KAZN: variants seen among roughly 807,000 people sequenced by gnomAD.
The protein encoded by KAZN is kazrin.
A neutral mutation model predicts 87.4 loss-of-function variants in KAZN; 40 were observed. The observed-to-expected ratio is 0.46, with a 90% CI of 0.36 to 0.60. The LOEUF (loss-of-function observed/expected upper bound fraction) is 0.60. Among genes scored for constraint, KAZN ranks in the 20% least tolerant of loss-of-function variants. The pLI, the probability that KAZN is intolerant of heterozygous loss-of-function variation, is 0.00. For missense variants in KAZN, 898 were observed against 1,073.9 expected, an observed-to-expected ratio of 0.84 and a Z score of 2.29; for synonymous variants, 466 against 458.3, an observed-to-expected ratio of 1.02 and a Z score of -0.22.
intron 1 of KAZN, among the ~76,000 whole-genome samples, chr1:14,956,299 G>GAAAAAAAAAAA (rs35057453): frequency 2.0e-5 from 2 of 99,590 alleles, no homozygotes; most frequent in African/African-American, 4.5e-5. Flanking sequence ...AGAAGTCACT[G>GAAAAAAAAAAA]AAAAAAAAAA....
At chr1:14,728,289 TAAAA>T (rs55745144) in intron 1 of KAZN, among the ~76,000 whole-genome samples, 39 of 29,832 alleles carry the variant, frequency 1.3e-3, no homozygotes, top group African/African-American at 4.6e-3. Context: ...ACCGTATATA[TAAAA>T]AAAAAAAAAA....
chr1:14,325,717 G>T (rs977609648), intron 2 of KAZN, among the ~76,000 whole-genome samples: 1 of 152,172 alleles, frequency 6.6e-6, no homozygotes, highest in Non-Finnish European at 1.5e-5. Flanking sequence ...CAAACTTGAC[G>T]TGGGTCTCCC....
chr1:14,546,805 T>C (rs1673174962), intron 2 of KAZN, among the ~76,000 whole-genome samples: 2 of 152,168 alleles, frequency 1.3e-5, no homozygotes, highest in African/African-American at 4.8e-5. Flanking sequence ...CAAATCAACT[T>C]TGGGGAATTT....
chr1:14,700,072 G>C (rs1181354368), intron 1 of KAZN, among the ~76,000 whole-genome samples: 2 of 152,132 alleles, frequency 1.3e-5, no homozygotes, highest in South Asian at 2.1e-4. Context: ...GGCAGAAAGG[G>C]TTATGCTGAA....
chr1:13,926,494 C>A lies in KAZN; in HGVS notation c.91+32738C>A, dbSNP rs993763830. On this transcript the variant is annotated intron_variant, in intron 1 of 16. Coordinates refer to the KAZN transcript ENST00000636203. Reference sequence around the variant, plus strand: ...ATGGCTTCCTCCCACATTTCCCCTGCCTTTTCCCTATTTTCAAGTCCCCTT... The same window carrying A: ...ATGGCTTCCTCCCACATTTCCCCTGACTTTTCCCTATTTTCAAGTCCCCTT... Among the ~76,000 whole-genome samples the A allele has an allele frequency of 6.6e-5, 10 of 152,270 alleles. No individual in the cohort carries two copies. The East Asian group carries it at 1.9e-3, about 29-fold the overall frequency.
At chr1:14,875,255 C>A (rs1350793685) in intron 1 of KAZN, among the ~76,000 whole-genome samples, 1 of 147,180 alleles carries the variant, frequency 6.8e-6, no homozygotes, top group Admixed American at 7.0e-5. Context: ...CACTTGAACC[C>A]GGGAGGCAGA....
At chr1:14,894,808 C>G (rs1022425143) in intron 1 of KAZN, among the ~76,000 whole-genome samples, 2 of 152,256 alleles carry the variant, frequency 1.3e-5, no homozygotes, top group African/African-American at 4.8e-5. Context: ...TCTGTGCTAT[C>G]ACACCAAGGA....
At chr1:15,093,633 G>T (rs991726245) in intron 8 of KAZN, among the ~76,000 whole-genome samples, 4 of 152,192 alleles carry the variant, frequency 2.6e-5, no homozygotes, top group African/African-American at 7.2e-5. Context: ...GATAAATGAG[G>T]CAGGGGAACA....
chr1:13,991,188 C>T (rs890708577), intron 1 of KAZN, among the ~76,000 whole-genome samples: 6 of 151,868 alleles, frequency 4.0e-5, no homozygotes, highest in Non-Finnish European at 8.8e-5. Flanking sequence ...TTGCTGGCTT[C>T]CATGGTGTAA....
chr1:14,454,446 G>A lies in KAZN; in HGVS notation c.250-144537G>A, dbSNP rs560688010. Among the ~76,000 whole-genome samples, 52 of 152,276 alleles carry A rather than the reference G, an allele frequency of 3.4e-4. No individual in the cohort carries two copies. The South Asian group carries it at 0.01, about 30-fold the overall frequency. On this transcript the variant is annotated intron_variant, in intron 2 of 16. Coordinates refer to the KAZN transcript ENST00000636203. ...TCAATTAGAGTCCAATAAGCAACTT[G>A]AGGACAAAGATATCATGTCTCACTG... is the stretch of plus-strand genomic sequence containing the variant.
At chr1:14,432,302 A>G (rs1218640417) in intron 2 of KAZN, among the ~76,000 whole-genome samples, 2 of 152,226 alleles carry the variant, frequency 1.3e-5, no homozygotes, top group African/African-American at 4.8e-5. Flanking sequence ...GAAAAATTGT[A>G]ATTTTTTTCA....
chr1:14,671,326 G>C (rs1639902411), intron 1 of KAZN, among the ~76,000 whole-genome samples: 1 of 152,238 alleles, frequency 6.6e-6, no homozygotes, highest in Non-Finnish European at 1.5e-5. Flanking sequence ...GCAGTACCAA[G>C]AACAGTGCCT....
intron 2 of KAZN, among the ~76,000 whole-genome samples, chr1:14,364,823 G>A (rs921002158): frequency 2.0e-5 from 3 of 152,174 alleles, no homozygotes; most frequent in African/African-American, 4.8e-5. Flanking sequence ...GCTTGTGGCC[G>A]CATCACGTCA....
intron 1 of KAZN, among the ~76,000 whole-genome samples, chr1:14,880,057 A>C (rs1466248743): frequency 2.0e-5 from 3 of 152,274 alleles, no homozygotes; most frequent in Middle Eastern, 3.4e-3. Flanking sequence ...CATCATCGGC[A>C]CAGGAGATGA....
chr1:14,617,821 C>A (rs1018747256), intron 1 of KAZN, among the ~76,000 whole-genome samples: 4 of 152,186 alleles, frequency 2.6e-5, no homozygotes, highest in African/African-American at 9.7e-5. Flanking sequence ...AATCCCAAAG[C>A]GCAAAGTGTA....
intron 1 of KAZN, among the ~76,000 whole-genome samples, chr1:14,653,526 C>G (rs186338990): frequency 6.6e-6 from 1 of 152,190 alleles, no homozygotes; most frequent in South Asian, 2.1e-4. Flanking sequence ...AAGCTGGAAG[C>G]CCGGACTTTG....
intron 1 of KAZN, among the ~76,000 whole-genome samples, chr1:14,099,203 A>G (rs1267174964): frequency 6.6e-6 from 1 of 152,180 alleles, no homozygotes; most frequent in Non-Finnish European, 1.5e-5. Context: ...CTTTAATCTC[A>G]GGATGGCACT....
intron 2 of KAZN, among the ~76,000 whole-genome samples, chr1:14,319,253 C>G (rs574232855): frequency 1.3e-5 from 2 of 151,950 alleles, no homozygotes; most frequent in African/African-American, 2.4e-5. Context: ...TCCAGAGAAG[C>G]CTTTACCCTA....
intron 3 of KAZN, among the ~76,000 whole-genome samples, chr1:15,040,303 G>A (rs796738046): frequency 8.5e-5 from 13 of 152,296 alleles, no homozygotes; most frequent in African/African-American, 2.2e-4. Flanking sequence ...CCTCGCCCAC[G>A]CAACTGTGCC....
Sources: gnomAD v4.1 joint callset for allele counts (sites outside exome capture counted in the v4.1 genomes callset) on GRCh38, gnomAD v4.1.1 for gene constraint, MANE v1.5 for transcripts, NCBI Gene and HGNC (gene_info 2026-07-23, HGNC 2026-07-21) for gene names.